The following EMB variants were observed in gnomAD, a reference collection of about 807,000 sequenced individuals.
EMB encodes embigin homolog.
In EMB, 31 loss-of-function variants were observed where a neutral mutation model predicts 41.4. That is an observed-to-expected ratio of 0.75 (90% CI 0.56 to 1.01). The LOEUF (loss-of-function observed/expected upper bound fraction) is 1.01, where lower values mean the gene tolerates loss of function less well. Among genes scored for constraint, EMB ranks in the 50% least tolerant of loss-of-function variants. The pLI is 0.00. For missense variants in EMB, 379 were observed against 388.3 expected (o/e 0.98, Z 0.20); for synonymous variants, 137 against 140.4 (o/e 0.98, Z 0.17).
intron 1 of EMB, among the ~76,000 whole-genome samples, chr5:50,432,491 T>C (rs1178771588): frequency 6.6e-6 from 1 of 152,062 alleles, no homozygotes; most frequent in Non-Finnish European, 1.5e-5. Context: ...GAAGCAATGT[T>C]ATATATAACC....
At position 50,422,500 on chromosome 5, in the gene EMB, T is replaced by C. The variant is rs561385422; in HGVS notation, c.196+5644A>G. 4.1e-4 allele frequency among the ~76,000 whole-genome samples: 62 copies of C among 152,332 alleles called. 1 individual carries two copies. The highest frequency in any genetic ancestry group is 3.2e-4 in the Non-Finnish European group (22 of 68,038). On this transcript the variant is annotated intron_variant, in intron 2 of 8. Coordinates refer to ENST00000303221, the MANE Select transcript of EMB (RefSeq NM_198449.3). Reference sequence around the variant, plus strand: ...GAACTGAAATATGATTAGAGTGCTATTTCAAAGCTATCAGGAAAAGGAGAA... The same window carrying C: ...GAACTGAAATATGATTAGAGTGCTACTTCAAAGCTATCAGGAAAAGGAGAA...
intron 4 of EMB, among the ~76,000 whole-genome samples, chr5:50,410,553 G>A (rs1410536811): frequency 3.9e-5 from 6 of 152,108 alleles, no homozygotes; most frequent in African/African-American, 7.2e-5. Context: ...ACTTAGAAAC[G>A]TGGAGGACTA....
intron 2 of EMB, among the ~76,000 whole-genome samples, chr5:50,427,697 C>T (rs1418614000): frequency 6.6e-6 from 1 of 151,950 alleles, no homozygotes; most frequent in African/African-American, 2.4e-5. Flanking sequence ...GTAGTAGAGA[C>T]AGGGTTTTGC....
intron 2 of EMB, chr5:50,411,598 TA>T (rs1197497428): frequency 4.2e-5 from 16 of 381,978 alleles, no homozygotes; most frequent in East Asian, 2.1e-4. Context: ...TTAACACAAT[TA>T]AAAAAAACCT....
rs556344171 is a variant in EMB, at chr5:50,424,732, T to C, written c.196+3412A>G. On this transcript the variant is annotated intron_variant, in intron 2 of 8. Transcript: ENST00000303221. ...TATCTGGAGACATATCCAGCTGTCA[T>C]AACTTAGCAGGTGTCACTCACATCT... Among the ~76,000 whole-genome samples the C allele has an allele frequency of 1.1e-4, 16 of 152,280 alleles. No individual in the cohort carries two copies. In the East Asian group the frequency reaches 2.9e-3, roughly 28 times the overall value.
At chr5:50,405,168 C>T (rs1397692483) in intron 5 of EMB, among the ~76,000 whole-genome samples, 2 of 151,850 alleles carry the variant, frequency 1.3e-5, no homozygotes, top group Non-Finnish European at 2.9e-5. Context: ...CGATTTCTCT[C>T]AGTAAAAAAG....
chr5:50,419,548 T>TACACACAC (rs58712109), intron 2 of EMB, among the ~76,000 whole-genome samples: 4,830 of 147,170 alleles, frequency 0.033, 236 homozygotes, highest in African/African-American at 0.11. Context: ...CACACACACA[T>TACACACAC]ACACACACAC....
intron 4 of EMB, among the ~76,000 whole-genome samples, chr5:50,407,179 C>CT (rs1745262644): frequency 6.6e-6 from 1 of 151,964 alleles, no homozygotes; most frequent in African/African-American, 2.4e-5. Context: ...TTGAGTCATG[C>CT]TTTAGCATGA....
intron 1 of EMB, among the ~76,000 whole-genome samples, chr5:50,434,675 G>A (rs1474701752): frequency 6.6e-6 from 1 of 152,134 alleles, no homozygotes; most frequent in Non-Finnish European, 1.5e-5. Flanking sequence ...TTTGGGATTA[G>A]GGACACATTA....
At chr5:50,420,324 T>C (rs1374864114) in intron 2 of EMB, among the ~76,000 whole-genome samples, 1 of 152,190 alleles carries the variant, frequency 6.6e-6, no homozygotes, top group East Asian at 1.9e-4. Flanking sequence ...AATGAATTTC[T>C]CCAAACTGCA....
intron 2 of EMB, among the ~76,000 whole-genome samples, chr5:50,419,536 T>TACACACACAC (rs371940991): frequency 0.027 from 3,886 of 142,718 alleles, 81 homozygotes; most frequent in African/African-American, 0.063. Context: ...CCCCACTACA[T>TACACACACAC]ACACACACAC....
At chr5:50,412,648 T>C (rs1405250007) in intron 2 of EMB, among the ~76,000 whole-genome samples, 3 of 138,208 alleles carry the variant, frequency 2.2e-5, no homozygotes, top group African/African-American at 7.8e-5. Context: ...CCCTTTGAGC[T>C]ACATGTTTTG....
intron 1 of EMB, chr5:50,428,467 G>A: frequency 1.8e-6 from 2 of 1,135,482 alleles, no homozygotes; most frequent in South Asian, 7.9e-5. Flanking sequence ...ACATCAGATG[G>A]CTTTTTTTAA....
chr5:50,411,022 GAA>G (rs1488904154), intron 3 of EMB, 57 bp from the exon 4 acceptor site: 8 of 1,341,112 alleles, frequency 6.0e-6, no homozygotes, highest in Middle Eastern at 3.8e-4. Context: ...TAATGAAAAT[GAA>G]AAGACTTAGC....
At chr5:50,406,700 A>T (rs578027587) in intron 4 of EMB, among the ~76,000 whole-genome samples, 3 of 151,622 alleles carry the variant, frequency 2.0e-5, no homozygotes, top group East Asian at 1.9e-4. Context: ...TATTTTGTTA[A>T]TTTTTTTCTT....
At chr5:50,417,375 T>G (rs1303635659) in intron 2 of EMB, among the ~76,000 whole-genome samples, 1 of 152,228 alleles carries the variant, frequency 6.6e-6, no homozygotes, top group East Asian at 1.9e-4. Context: ...TATCCAAAAT[T>G]TATAAAACAT....
In EMB at chr5:50,411,333, T is replaced by C. The variant is rs756134551; in HGVS notation, c.247A>G (p.Asn83Asp). Residue 83 changes from asparagine (N) to aspartate (D), a missense_variant, in exon 3 of 9, where the codon AAT becomes GAT. Transcript: ENST00000303221. ...GTGAACTGGCATGTGAGATTTACAT[T>C]AGAAGGCCTTTCTAAAGTGATATTT... is the stretch of plus-strand genomic sequence containing the variant. ...EKNITLERPS[N>D]VNLTCQFTTS... 12 of 1,612,512 alleles carry C rather than the reference T, an allele frequency of 7.4e-6. No individual in the cohort carries two copies. The South Asian group carries it at 1.2e-4, about 16-fold the overall frequency.
upstream of EMB, among the ~76,000 whole-genome samples, chr5:50,441,660 C>G (rs568113972): frequency 6.6e-6 from 1 of 152,290 alleles, no homozygotes; most frequent in East Asian, 1.9e-4. Flanking sequence ...TATTTTTGCG[C>G]AGGTGTAAGG....
intron 2 of EMB, among the ~76,000 whole-genome samples, chr5:50,420,413 C>G (rs556533197): frequency 2.0e-5 from 3 of 152,204 alleles, no homozygotes; most frequent in Non-Finnish European, 4.4e-5. Flanking sequence ...TTCTAAGGTG[C>G]TAACCATGCA....
Sources: allele counts gnomAD v4.1 joint callset (sites outside exome capture counted in the v4.1 genomes callset), GRCh38; gene constraint gnomAD v4.1.1; transcripts MANE v1.5; gene names NCBI Gene and HGNC (gene_info 2026-07-23, HGNC 2026-07-21).